Variants in MID2 observed in about 807,000 individuals in gnomAD.
The protein encoded by MID2 is probable E3 ubiquitin-protein ligase MID2.
In MID2, 13 loss-of-function variants were observed where a neutral mutation model predicts 46.1. The ratio of observed to expected loss-of-function variants is 0.28; its 90% CI spans 0.18 to 0.45. The LOEUF is 0.45. Ranked by LOEUF, MID2 falls within the 20% of genes least tolerant of loss-of-function variation. The pLI is 1.00. For synonymous variants in MID2, 199 were observed against 212.3 expected (o/e 0.94, Z 0.55); for missense variants, 431 against 575.4 (o/e 0.75, Z 2.57).
intron 1 of MID2, among the ~76,000 whole-genome samples, chrX:107,837,792 A>C (rs756131387): frequency 3.6e-5 from 4 of 111,765 alleles, no homozygotes; most frequent in Non-Finnish European, 7.5e-5. Flanking sequence ...GGATACAGTA[A>C]TAGTAACTTC....
At chrX:107,861,889 T>C (rs17254228) in intron 3 of MID2, among the ~76,000 whole-genome samples, 14,768 of 111,382 alleles carry the variant, frequency 0.13, 1,013 homozygotes, top group Non-Finnish European at 0.21. Flanking sequence ...CCTTAGTTTC[T>C]ACAACTTGCC....
At chrX:107,910,864 T>C (rs1288800739) in intron 5 of MID2, among the ~76,000 whole-genome samples, 1 of 78,960 alleles carries the variant, frequency 1.3e-5, no homozygotes, top group Non-Finnish European at 2.4e-5. Context: ...TCTCTCTCTC[T>C]TTCCTTCTTT....
At chrX:107,859,995 CA>C (rs747927832) in intron 3 of MID2, among the ~76,000 whole-genome samples, 6 of 111,794 alleles carry the variant, frequency 5.4e-5, no homozygotes, top group Non-Finnish European at 9.4e-5. Context: ...GGATTTTAAG[CA>C]GGTGAATAAC....
chrX:107,900,080 A>AT (rs1377051177), intron 3 of MID2, among the ~76,000 whole-genome samples: 2 of 111,506 alleles, frequency 1.8e-5, no homozygotes, highest in East Asian at 5.6e-4. Flanking sequence ...ACATGAAAAG[A>AT]TTTTAATGTC....
In MID2 at chrX:107,882,372, A is replaced by G. The variant is rs185171489; in HGVS notation, c.817-21586A>G. On this transcript the variant is annotated intron_variant, in intron 3 of 9. Coordinates refer to ENST00000262843, the MANE Select transcript of MID2 (RefSeq NM_012216.4). Reference sequence around the variant, plus strand: ...TGACAAATGGGATCTAATTAAACTAAAGAGCTTCTGCACAGCAAAAGAAAT... The same window carrying G: ...TGACAAATGGGATCTAATTAAACTAGAGAGCTTCTGCACAGCAAAAGAAAT... Among the ~76,000 whole-genome samples, 371 of 111,921 alleles carry G rather than the reference A, an allele frequency of 3.3e-3. 4 individuals carry two copies. The highest frequency in any genetic ancestry group is 0.012 in the African/African-American group (357 of 30,804).
At chrX:107,913,785 C>T (rs935851100) in intron 5 of MID2, among the ~76,000 whole-genome samples, 2 of 111,444 alleles carry the variant, frequency 1.8e-5, no homozygotes, top group African/African-American at 6.5e-5. Context: ...CAATTTTGAC[C>T]CTTTCCAATC....
intron 3 of MID2, among the ~76,000 whole-genome samples, chrX:107,873,902 A>G (rs1005414718): frequency 3.6e-5 from 4 of 112,307 alleles, no homozygotes; most frequent in Admixed American, 2.8e-4. Context: ...ACAGAGGACT[A>G]GGAAAGCATA....
intron 3 of MID2, among the ~76,000 whole-genome samples, chrX:107,893,466 A>AT (rs1387002650): frequency 1.8e-5 from 2 of 112,680 alleles, no homozygotes; most frequent in Non-Finnish European, 3.7e-5. Context: ...CGGGTAGCTG[A>AT]TTTGAGAATA....
At chrX:107,862,111 AG>A (rs1223178569) in intron 3 of MID2, among the ~76,000 whole-genome samples, 1 of 111,959 alleles carries the variant, frequency 8.9e-6, no homozygotes, top group Non-Finnish European at 1.9e-5. Context: ...ATATAGTCAA[AG>A]CTCAATAAAC....
rs1300978463 is a variant in MID2, at chrX:107,929,922, C to A, written c.*2849C>A. 8.9e-6 allele frequency among the ~76,000 whole-genome samples: 1 copy of A among 111,750 alleles called. No individual in the cohort carries two copies. The highest frequency in any genetic ancestry group is 1.9e-5 in the Non-Finnish European group (1 of 53,039). On this transcript the variant is annotated 3_prime_UTR_variant, in exon 10 of 10. Transcript: ENST00000262843. ...CTCACACCGCCTGTGTTAGAATCAC[C>A]TTTAGTGTTTGTTAAAAGAATTGAT...
At chrX:107,893,604 G>T (rs1223664297) in intron 3 of MID2, among the ~76,000 whole-genome samples, 1 of 112,262 alleles carries the variant, frequency 8.9e-6, no homozygotes, top group Non-Finnish European at 1.9e-5. Context: ...TGTCAATATT[G>T]TGAAGCACTT....
At chrX:107,828,036 C>T (rs1930994347) in intron 1 of MID2, among the ~76,000 whole-genome samples, 1 of 111,965 alleles carries the variant, frequency 8.9e-6, no homozygotes, top group South Asian at 3.7e-4. Context: ...TGGTTTAGCA[C>T]CATCACCTTG....
chrX:107,912,524 A>C (rs1932907610), intron 5 of MID2, among the ~76,000 whole-genome samples: 1 of 111,521 alleles, frequency 9.0e-6, no homozygotes, highest in Admixed American at 9.5e-5. Context: ...CTTACCTTCC[A>C]TGAACACTCC....
chrX:107,892,790 C>T (rs754290768), intron 3 of MID2, among the ~76,000 whole-genome samples: 2 of 111,851 alleles, frequency 1.8e-5, no homozygotes, highest in African/African-American at 3.3e-5. Context: ...GGAAGCCTTC[C>T]TTGACCATCT....
chrX:107,888,888 C>T (rs1271740872), intron 3 of MID2, among the ~76,000 whole-genome samples: 1 of 111,420 alleles, frequency 9.0e-6, no homozygotes, highest in Admixed American at 9.5e-5. Context: ...TTCTTTGTCT[C>T]TTTTGATCTT....
chrX:107,913,354 G>A (rs1004850816), intron 5 of MID2, among the ~76,000 whole-genome samples: 12 of 111,631 alleles, frequency 1.1e-4, no homozygotes, highest in Non-Finnish European at 5.7e-5. Context: ...GGCTACATAT[G>A]GTGTGTTGAG....
At chrX:107,833,428 TA>T (rs201658288) in intron 1 of MID2, among the ~76,000 whole-genome samples, 936 of 92,236 alleles carry the variant, frequency 0.01, 14 homozygotes, top group African/African-American at 0.038. Flanking sequence ...TATATATATA[TA>T]TTTTTTTTAA....
chrX:107,834,231 G>A (rs1190935695), intron 1 of MID2, among the ~76,000 whole-genome samples: 1 of 111,762 alleles, frequency 8.9e-6, no homozygotes, highest in East Asian at 2.8e-4. Flanking sequence ...TAAGGCACAA[G>A]GTAAAGAAAA....
At chrX:107,832,758 A>G (rs895039528) in intron 1 of MID2, among the ~76,000 whole-genome samples, 1 of 112,034 alleles carries the variant, frequency 8.9e-6, no homozygotes, top group Non-Finnish European at 1.9e-5. Context: ...ATTATTACTG[A>G]CCACCTAGCC....
Sources: gnomAD v4.1 joint callset for allele counts (sites outside exome capture counted in the v4.1 genomes callset) on GRCh38, gnomAD v4.1.1 for gene constraint, MANE v1.5 for transcripts, NCBI Gene and HGNC (gene_info 2026-07-23, HGNC 2026-07-21) for gene names.